The following PACRG variants were observed in gnomAD, a reference collection of about 807,000 sequenced individuals.
PACRG encodes parkin coregulated gene protein.
PACRG carries 29 observed loss-of-function variants against 29.7 expected under a neutral mutation model. The ratio of observed to expected loss-of-function variants is 0.98; its 90% CI spans 0.73 to 1.33. The LOEUF (loss-of-function observed/expected upper bound fraction) is 1.33. Ranked by LOEUF, PACRG falls within the 40% of genes most tolerant of loss-of-function variation. The pLI, the probability that PACRG is intolerant of heterozygous loss-of-function variation, is 0.00. For missense variants in PACRG, 279 were observed against 316.2 expected (o/e 0.88, Z 0.89); for synonymous variants, 116 against 118.7 (o/e 0.98, Z 0.15).
intron 1 of PACRG, among the ~76,000 whole-genome samples, chr6:162,793,997 G>T (rs1785166551): frequency 6.6e-6 from 1 of 152,124 alleles, no homozygotes; most frequent in Non-Finnish European, 1.5e-5. Context: ...TAAAATAAAA[G>T]TTAAATTTAA....
chr6:162,768,688 G>A (rs1489095407), intron 1 of PACRG, among the ~76,000 whole-genome samples: 1 of 152,014 alleles, frequency 6.6e-6, no homozygotes, highest in East Asian at 1.9e-4. Flanking sequence ...GTTGATCAAA[G>A]TTTTTATGGA....
At position 163,206,421 on chromosome 6, in the gene PACRG, G is replaced by A. The variant is rs548545809; in HGVS notation, c.614-108406G>A. On this transcript the variant is annotated intron_variant, in intron 4 of 4. Transcript: ENST00000366888. ...CATGGCTTTTGCAGCAACATGGATAGAGCTTTTATCCTAAGCAAGCTAACA... is the reference window on the plus strand; with the variant it reads ...CATGGCTTTTGCAGCAACATGGATAAAGCTTTTATCCTAAGCAAGCTAACA... Among the ~76,000 whole-genome samples, 43 of 152,180 alleles carry A rather than the reference G, an allele frequency of 2.8e-4. 1 individual carries two copies. In the East Asian group the frequency reaches 3.1e-3, roughly 11 times the overall value.
At chr6:163,050,053 TA>T (rs1809834992) in intron 2 of PACRG, among the ~76,000 whole-genome samples, 1 of 152,144 alleles carries the variant, frequency 6.6e-6, no homozygotes, top group Non-Finnish European at 1.5e-5. Context: ...TTTTCCCTTT[TA>T]TGATAATCTC....
At chr6:163,080,767 C>A (rs918114023) in intron 3 of PACRG, among the ~76,000 whole-genome samples, 4 of 152,052 alleles carry the variant, frequency 2.6e-5, no homozygotes, top group Non-Finnish European at 5.9e-5. Context: ...CTTGTAATGG[C>A]AAAACTTTGA....
At chr6:162,980,266 A>T (rs1393875460) in intron 2 of PACRG, among the ~76,000 whole-genome samples, 2 of 152,120 alleles carry the variant, frequency 1.3e-5, no homozygotes, top group African/African-American at 4.8e-5. Flanking sequence ...TCATGTCATT[A>T]GGCCCAGGTC....
chr6:162,790,281 T>G (rs554071257), intron 1 of PACRG, among the ~76,000 whole-genome samples: 11 of 152,260 alleles, frequency 7.2e-5, no homozygotes, highest in African/African-American at 2.4e-4. Flanking sequence ...GCCAAATAAT[T>G]CAGGCAGGCA....
At chr6:162,756,830 C>A (rs932744567) in intron 1 of PACRG, among the ~76,000 whole-genome samples, 1 of 152,104 alleles carries the variant, frequency 6.6e-6, no homozygotes, top group African/African-American at 2.4e-5. Context: ...GCTTCGTAGT[C>A]ACCATGAGAC....
rs547315635 is a variant in PACRG, at chr6:162,766,181, A to G, written c.156+37790A>G. On this transcript the variant is annotated intron_variant, in intron 1 of 4. Transcript: ENST00000366888. ...ACACCAGAAATTACTCCTGCTACCTATCTGAAACTTTGTCCCCATTGACCA... is the reference window on the plus strand; with the variant it reads ...ACACCAGAAATTACTCCTGCTACCTGTCTGAAACTTTGTCCCCATTGACCA... 3.9e-5 allele frequency among the ~76,000 whole-genome samples: 6 copies of G among 152,294 alleles called. No individual in the cohort carries two copies. In the East Asian group the frequency reaches 1.2e-3, roughly 29 times the overall value.
At chr6:163,177,710 A>ATATTTTTTTTTTTTTTT (rs1779440928) in intron 4 of PACRG, among the ~76,000 whole-genome samples, 4 of 53,744 alleles carry the variant, frequency 7.4e-5, no homozygotes. Context: ...TAGAAAAGGG[A>ATATTTTTTTTTTTTTTT]TTTTTTTTTT....
At chr6:163,263,084 T>C (rs563583271) in intron 4 of PACRG, among the ~76,000 whole-genome samples, 1 of 148,162 alleles carries the variant, frequency 6.7e-6, no homozygotes, top group East Asian at 2.0e-4. Context: ...TTGTCTGCAA[T>C]TGTGAAAAAT....
At chr6:162,881,495 C>T (rs955526552) in intron 2 of PACRG, among the ~76,000 whole-genome samples, 3 of 152,164 alleles carry the variant, frequency 2.0e-5, no homozygotes, top group Non-Finnish European at 4.4e-5. Flanking sequence ...TTCCAATCAT[C>T]ATGTTCAAGA....
intron 2 of PACRG, among the ~76,000 whole-genome samples, chr6:162,981,305 A>ATATATATTTTTTTTTT (rs925663285): frequency 1.7e-4 from 26 of 149,160 alleles, no homozygotes; most frequent in African/African-American, 5.5e-4. Context: ...ATATATATAT[A>ATATATATTTTTTTTTT]TTTACAATGG....
At chr6:163,161,539 G>A (rs1013603907) in intron 4 of PACRG, among the ~76,000 whole-genome samples, 2 of 152,176 alleles carry the variant, frequency 1.3e-5, no homozygotes, top group African/African-American at 4.8e-5. Context: ...TGAGGATCTT[G>A]CTATTGAGAA....
At chr6:163,037,880 C>T (rs1808354501) in intron 2 of PACRG, among the ~76,000 whole-genome samples, 1 of 152,192 alleles carries the variant, frequency 6.6e-6, no homozygotes, top group African/African-American at 2.4e-5. Context: ...TTCCCTACTC[C>T]AACTAGGAAG....
intron 2 of PACRG, among the ~76,000 whole-genome samples, chr6:163,054,980 A>G (rs1004933100): frequency 6.6e-6 from 1 of 152,174 alleles, no homozygotes; most frequent in African/African-American, 2.4e-5. Flanking sequence ...TGGGGGTACA[A>G]CTTCACCAGG....
At chr6:163,141,701 A>G (rs146253718) in intron 4 of PACRG, among the ~76,000 whole-genome samples, 13 of 152,258 alleles carry the variant, frequency 8.5e-5, no homozygotes, top group African/African-American at 2.9e-4. Flanking sequence ...AAAGAGGGGC[A>G]TCGTAGGATA....
chr6:163,277,556 CAT>C (rs1164638887), intron 4 of PACRG, among the ~76,000 whole-genome samples: 3 of 146,228 alleles, frequency 2.1e-5, no homozygotes, highest in African/African-American at 7.6e-5. Flanking sequence ...TATGTGTATG[CAT>C]ATGTCTATTT....
chr6:162,832,075 A>G (rs1391321750), intron 2 of PACRG, among the ~76,000 whole-genome samples: 1 of 152,224 alleles, frequency 6.6e-6, no homozygotes, highest in Non-Finnish European at 1.5e-5. Context: ...TCTTTGAGGA[A>G]TCACCACACT....
intron 2 of PACRG, among the ~76,000 whole-genome samples, chr6:162,821,677 A>G (rs1215904293): frequency 2.0e-5 from 3 of 152,152 alleles, no homozygotes; most frequent in Non-Finnish European, 4.4e-5. Flanking sequence ...TTAAACACAA[A>G]ATATGTGTCA....
Sources: gnomAD v4.1 joint callset for allele counts (sites outside exome capture counted in the v4.1 genomes callset) on GRCh38, gnomAD v4.1.1 for gene constraint, MANE v1.5 for transcripts, NCBI Gene and HGNC (gene_info 2026-07-23, HGNC 2026-07-21) for gene names.